LAMC3: variants seen among roughly 807,000 people sequenced by gnomAD.
The protein encoded by LAMC3 is laminin subunit gamma-3.
In LAMC3, 128 loss-of-function variants were observed where a neutral mutation model predicts 173.8. The observed-to-expected ratio is 0.74, with a 90% CI of 0.64 to 0.85. The LOEUF is 0.85. Ranked by LOEUF, LAMC3 falls within the 40% of genes least tolerant of loss-of-function variation. LAMC3 has a pLI of 0.00. For synonymous variants in LAMC3, 897 were observed against 909.1 expected (o/e 0.99, Z 0.24); for missense variants, 2,022 against 2,156.0 (o/e 0.94, Z 1.23).
intron 18 of LAMC3, 24 bp from the exon 19 acceptor site, chr9:131,072,606 C>G (rs764790317): frequency 6.3e-7 from 1 of 1,592,720 alleles, no homozygotes; most frequent in African/African-American, 1.3e-5. Flanking sequence ...ACTTTGTGAC[C>G]CCTGGGCTGT....
intron 14 of LAMC3, 110 bp from the exon 15 acceptor site, chr9:131,067,968 G>C (rs1340253526): frequency 1.4e-5 from 16 of 1,169,408 alleles, no homozygotes; most frequent in Non-Finnish European, 3.8e-6. Context: ...GGCTGAATGT[G>C]CCGTATCATC....
chr9:131,029,471 G>A lies in LAMC3; in HGVS notation c.679-2574G>A, dbSNP rs1166931270. ...GCTGTTGGAGGTTTTCTGTCTTGTT[G>A]CCTCTTGTGTTCTGGACACTGTCCC... On this transcript the variant is annotated intron_variant, in intron 2 of 27. Transcript: ENST00000361069. The surrounding 1 kb of genome is among the most constrained non-coding windows in gnomAD (Gnocchi z 4.6). 1.3e-5 allele frequency among the ~76,000 whole-genome samples: 2 copies of A among 152,198 alleles called. No individual in the cohort carries two copies. Among genetic ancestry groups the A allele is most frequent in the Non-Finnish European group, 2.9e-5 (2 of 68,042 alleles).
chr9:131,012,802 G>C (rs948000284), intron 1 of LAMC3, among the ~76,000 whole-genome samples: 1 of 152,236 alleles, frequency 6.6e-6, no homozygotes, highest in Admixed American at 6.5e-5. Flanking sequence ...TGGGCGGCCA[G>C]CTCTGGCCCG....
chr9:131,026,026 G>A lies in LAMC3; in HGVS notation c.374-259G>A, dbSNP rs1306628486. ...GAGATGGCTGCCTCTCAGGGGTGTT[G>A]CAACGGAGATTCCTGTGCAGGGTGG... On this transcript the variant is annotated intron_variant, in intron 1 of 27. Transcript: ENST00000361069. This position sits in a 1 kb window ranked among gnomAD's most constrained non-coding sequence, Gnocchi z 4.8. Among the ~76,000 whole-genome samples the A allele has an allele frequency of 6.6e-6, 1 of 152,206 alleles. No individual in the cohort carries two copies. Among genetic ancestry groups the A allele is most frequent in the Non-Finnish European group, 1.5e-5 (1 of 68,030 alleles).
intron 16 of LAMC3, 24 bp from the exon 17 acceptor site, chr9:131,069,648 A>G: frequency 6.3e-7 from 1 of 1,591,358 alleles, no homozygotes; most frequent in Non-Finnish European, 8.5e-7. Flanking sequence ...TAAACCCAGC[A>G]CGCACTGCCC....
At chr9:131,053,057 T>C in intron 11 of LAMC3, 92 bp downstream of exon 11, 1 of 970,500 alleles carries the variant, frequency 1.0e-6, no homozygotes, top group Non-Finnish European at 1.6e-6. Flanking sequence ...TGTCAGGGCC[T>C]TGCGGCCGGG....
intron 8 of LAMC3, among the ~76,000 whole-genome samples, chr9:131,046,516 GTATT>G (rs1834163119): frequency 2.6e-5 from 1 of 38,756 alleles, no homozygotes; most frequent in Admixed American, 2.7e-4. Flanking sequence ...GCTAATTTTT[GTATT>G]TTTTTTTTTT....
chr9:131,053,635 C>T (rs912028302), intron 11 of LAMC3, among the ~76,000 whole-genome samples: 2 of 152,160 alleles, frequency 1.3e-5, no homozygotes, highest in African/African-American at 4.8e-5. Context: ...GAGTTTGAGA[C>T]CAGCCTGGCC....
chr9:131,026,233 T>C lies in LAMC3; in HGVS notation c.374-52T>C. 1 of 1,610,884 alleles carries C rather than the reference T, an allele frequency of 6.2e-7. No individual in the cohort carries two copies. Among genetic ancestry groups the C allele is most frequent in the Non-Finnish European group, 8.5e-7 (1 of 1,178,844 alleles). ...GCCGTCTGTCCTTCCTAGACCAGGA[T>C]TCCATACCTCCTTCCCCTTCCATAA... On this transcript the variant is annotated intron_variant, in intron 1 of 27. Transcript: ENST00000361069. The surrounding 1 kb of genome is among the most constrained non-coding windows in gnomAD (Gnocchi z 4.8).
At chr9:131,085,818 G>T (rs559700575) in intron 25 of LAMC3, 95 bp downstream of exon 25, 12 of 1,182,106 alleles carry the variant, frequency 1.0e-5, no homozygotes, top group Middle Eastern at 2.5e-4. Flanking sequence ...TGACTACTCC[G>T]CACTCACTCA....
In LAMC3 at chr9:131,026,400, C is replaced by T. The variant is rs1833717325; in HGVS notation, c.489C>T (p.Tyr163=). Reference sequence around the variant, plus strand: ...GCCCATGGGAGCCCTACCAGTTCTACAGCGCCTCCTGCCAGAAGACCTACG... The same window carrying T: ...GCCCATGGGAGCCCTACCAGTTCTATAGCGCCTCCTGCCAGAAGACCTACG... ...ADGPWEPYQF[Y]SASCQKTYGR... Residue 163 remains tyrosine (Y), a synonymous_variant, in exon 2 of 28, where the codon TAC becomes TAT. Transcript: ENST00000361069. This position sits in a 1 kb window ranked among gnomAD's most constrained non-coding sequence, Gnocchi z 4.8. The T allele has an allele frequency of 6.2e-7, 1 of 1,614,112 alleles. No homozygotes were observed.
intron 11 of LAMC3, among the ~76,000 whole-genome samples, chr9:131,055,377 CCTT>C (rs1178777322): frequency 2.0e-5 from 3 of 151,562 alleles, no homozygotes; most frequent in Non-Finnish European, 4.4e-5. Context: ...GGAAGCAAAA[CCTT>C]CTGATTAGTA....
intron 1 of LAMC3, chr9:131,021,087 G>T (rs1458444880): frequency 6.6e-6 from 1 of 152,160 alleles, no homozygotes; most frequent in Non-Finnish European, 1.5e-5. Context: ...TCAAATTGTA[G>T]GTTCTTGCTT....
At chr9:131,055,235 A>T (rs920289726) in intron 11 of LAMC3, among the ~76,000 whole-genome samples, 1 of 152,106 alleles carries the variant, frequency 6.6e-6, no homozygotes, top group Non-Finnish European at 1.5e-5. Flanking sequence ...GGCTGCTCTG[A>T]TGAGGAGTGT....
Position 131,057,038 on chromosome 9 carries a change from C to T in LAMC3, c.2049C>T (p.Phe683=). 6.2e-7 allele frequency: 1 copy of T among 1,614,110 alleles called. No homozygotes were observed. Among genetic ancestry groups the T allele is most frequent in the Non-Finnish European group, 8.5e-7 (1 of 1,180,000 alleles). The change falls in exon 12 of 28, where the codon TTC becomes TTT. Residue 683 remains phenylalanine (F), a synonymous_variant. Transcript: ENST00000361069. ...CSCPTGYTGQ[F]CESCAPGYKR... ...GTCCCACTGGCTACACGGGCCAGTT[C>T]TGTGAATCCTGTGCTCCGGGATACA...
At chr9:131,059,802 C>A (rs1032150702) in intron 12 of LAMC3, among the ~76,000 whole-genome samples, 5 of 152,248 alleles carry the variant, frequency 3.3e-5, no homozygotes, top group African/African-American at 1.2e-4. Context: ...TATAGCCCCG[C>A]TGCCTAGGCT....
intron 4 of LAMC3, among the ~76,000 whole-genome samples, chr9:131,036,927 C>T (rs750838356): frequency 1.3e-5 from 2 of 152,264 alleles, no homozygotes; most frequent in African/African-American, 2.4e-5. Flanking sequence ...CATGCACAGC[C>T]GCCGTTGCTG....
At position 131,045,563 on chromosome 9, in the gene LAMC3, A is replaced by G; in HGVS notation, c.1422A>G (p.Pro474=). The part of the protein sequence containing the change: ...PGTFNLQPHN[P]AGCSSCFCYG... ...CCTTTAACCTGCAGCCCCACAATCCAGCTGGCTGCAGCAGCTGTTTCTGCT... is the reference window on the plus strand; with the variant it reads ...CCTTTAACCTGCAGCCCCACAATCCGGCTGGCTGCAGCAGCTGTTTCTGCT... Residue 474 remains proline, a synonymous_variant, in exon 8 of 28, where the codon CCA becomes CCG. Coordinates refer to ENST00000361069, the MANE Select transcript of LAMC3 (RefSeq NM_006059.4). The G allele has an allele frequency of 6.2e-7, 1 of 1,614,024 alleles. No individual in the cohort carries two copies. The highest frequency in any genetic ancestry group is 1.1e-5 in the South Asian group (1 of 91,078).
At chr9:131,066,593 C>T (rs1186028138) in intron 13 of LAMC3, among the ~76,000 whole-genome samples, 2 of 151,926 alleles carry the variant, frequency 1.3e-5, no homozygotes, top group African/African-American at 2.4e-5. Flanking sequence ...ATAATGGTGA[C>T]GATGATGATG....
Sources: gnomAD v4.1 joint callset for allele counts (sites outside exome capture counted in the v4.1 genomes callset) on GRCh38, gnomAD v4.1.1 for gene constraint, Gnocchi (gnomAD v3.1) non-coding constraint, MANE v1.5 for transcripts, NCBI Gene and HGNC (gene_info 2026-07-23, HGNC 2026-07-21) for gene names.